The following ASPH variants were observed in gnomAD, a reference collection of about 807,000 sequenced individuals.
ASPH encodes aspartyl/asparaginyl beta-hydroxylase.
ASPH carries 100 observed loss-of-function variants against 118.4 expected under a neutral mutation model. The observed-to-expected ratio is 0.84, with a 90% CI of 0.72 to 1.00. The LOEUF (loss-of-function observed/expected upper bound fraction) is 1.00. Among genes scored for constraint, ASPH ranks in the 50% least tolerant of loss-of-function variants. The pLI is 0.00. For synonymous variants in ASPH, 315 were observed against 325.6 expected (o/e 0.97, Z 0.35); for missense variants, 920 against 919.5 (o/e 1.00, Z -0.01).
At chr8:61,644,069 A>G (rs1220870416) in intron 7 of ASPH, 68 bp from the exon 8 acceptor site, 2 of 1,206,746 alleles carry the variant, frequency 1.7e-6, no homozygotes, top group Non-Finnish European at 2.4e-6. Context: ...TCGAAACCAG[A>G]AAGACACAAT....
intron 16 of ASPH, among the ~76,000 whole-genome samples, chr8:61,570,641 T>A (rs1010165338): frequency 6.6e-6 from 1 of 152,218 alleles, no homozygotes; most frequent in Admixed American, 6.5e-5. Flanking sequence ...TAATTCTTTA[T>A]AAGCTCTTGA....
chr8:61,619,957 T>A (rs1850339955), intron 13 of ASPH, among the ~76,000 whole-genome samples: 1 of 152,158 alleles, frequency 6.6e-6, no homozygotes, highest in South Asian at 2.1e-4. Flanking sequence ...TGCAAGAGGA[T>A]GTCGGTGAGA....
At chr8:61,558,545 GA>G (rs1828691263) in intron 18 of ASPH, among the ~76,000 whole-genome samples, 1 of 152,140 alleles carries the variant, frequency 6.6e-6, no homozygotes, top group Admixed American at 6.5e-5. Context: ...CAAATAGTGT[GA>G]AACAAGCTCT....
chr8:61,577,436 GA>G, intron 15 of ASPH, among the ~76,000 whole-genome samples: 1 of 112,646 alleles, frequency 8.9e-6, no homozygotes, highest in East Asian at 2.8e-4. Context: ...CAAGACACCT[GA>G]TAAATGATGT....
chr8:61,675,488 A>G, intron 3 of ASPH: 1 of 983,088 alleles, frequency 1.0e-6, no homozygotes, highest in Non-Finnish European at 1.2e-6. Context: ...TTTTTAAATT[A>G]TTTTAAAAGC....
chr8:61,669,155 C>A (rs1449509467), intron 3 of ASPH, among the ~76,000 whole-genome samples: 2 of 152,178 alleles, frequency 1.3e-5, no homozygotes, highest in Non-Finnish European at 2.9e-5. Flanking sequence ...ACAAGAAAGT[C>A]CCCAAAGCCA....
In ASPH at chr8:61,714,572, C is replaced by A. The variant is rs551953321; in HGVS notation, c.-201G>T. 9.9e-5 allele frequency: 75 copies of A among 760,846 alleles called. No individual in the cohort carries two copies. Among genetic ancestry groups the A allele is most frequent in the Non-Finnish European group, 1.3e-4 (71 of 548,604 alleles). 47.1% of individuals were successfully genotyped at this position (760,846 alleles called of 1,614,324 possible). ...CCTGCCGGCTGCGCGCGCCCGGCCTCGCGTGTACGAACCTGTGACTCCCTC... is the reference window on the plus strand; with the variant it reads ...CCTGCCGGCTGCGCGCGCCCGGCCTAGCGTGTACGAACCTGTGACTCCCTC... On this transcript the variant is annotated 5_prime_UTR_variant, in exon 1 of 25. Transcript: ENST00000379454.
chr8:61,554,473 A>G (rs1827130079), intron 19 of ASPH, among the ~76,000 whole-genome samples: 1 of 152,208 alleles, frequency 6.6e-6, no homozygotes, highest in South Asian at 2.1e-4. Flanking sequence ...GAATATATTG[A>G]TACTTAAAAA....
chr8:61,511,814 G>A (rs60463676), intron 24 of ASPH, among the ~76,000 whole-genome samples: 1 of 152,096 alleles, frequency 6.6e-6, no homozygotes, highest in African/African-American at 2.4e-5. Flanking sequence ...ATGTTGGTCA[G>A]GCTGGTCTTG....
chr8:61,508,937 G>A (rs1254573435), intron 24 of ASPH, among the ~76,000 whole-genome samples: 1 of 152,170 alleles, frequency 6.6e-6, no homozygotes, highest in Admixed American at 6.5e-5. Context: ...AAATTCCCCA[G>A]TTCAGACTCC....
intron 1 of ASPH, among the ~76,000 whole-genome samples, chr8:61,700,916 G>A (rs983005248): frequency 6.6e-6 from 1 of 152,130 alleles, no homozygotes; most frequent in Non-Finnish European, 1.5e-5. Context: ...TTTCTTTATA[G>A]TTATTTAAAG....
At chr8:61,664,104 T>C (rs911474729) in intron 3 of ASPH, 6 of 975,190 alleles carry the variant, frequency 6.2e-6, no homozygotes, top group Non-Finnish European at 3.7e-6. Context: ...ACTAACTGCA[T>C]TTCACAGTAG....
intron 14 of ASPH, among the ~76,000 whole-genome samples, chr8:61,605,750 C>T (rs1482115467): frequency 1.3e-5 from 2 of 152,178 alleles, no homozygotes. Flanking sequence ...AAAAACACAC[C>T]AGATCAAACC....
chr8:61,619,054 G>T, intron 13 of ASPH, 35 bp from the exon 14 acceptor site: 7 of 1,468,378 alleles, frequency 4.8e-6, no homozygotes, highest in Non-Finnish European at 6.6e-6. Flanking sequence ...TAAGTACTAT[G>T]CAAGTCACCA....
At position 61,663,255 on chromosome 8, in the gene ASPH, T is replaced by C. The variant is rs1402441050; in HGVS notation, c.323-9595A>G. On this transcript the variant is annotated intron_variant, in intron 3 of 24. Coordinates refer to ENST00000379454, the MANE Select transcript of ASPH (RefSeq NM_004318.4). Reference sequence around the variant, plus strand: ...TTGATGAAGTTTGAGTGGGACCCACTCAACTCCCATTCCAAAGCTTTGTGC... The same window carrying C: ...TTGATGAAGTTTGAGTGGGACCCACCCAACTCCCATTCCAAAGCTTTGTGC... 5.1e-6 allele frequency: 5 copies of C among 985,196 alleles called. No homozygotes were observed. The Admixed American group carries it at 3.1e-4, about 61-fold the overall frequency. 61.0% of individuals were successfully genotyped at this position (985,196 alleles called of 1,614,324 possible). A position where few individuals can be genotyped will look rare whatever the true frequency, so the allele number is the denominator to read the frequency against.
chr8:61,613,221 C>T (rs559684338), intron 14 of ASPH, among the ~76,000 whole-genome samples: 3 of 152,194 alleles, frequency 2.0e-5, no homozygotes, highest in Admixed American at 2.0e-4. Flanking sequence ...GATTACTCTC[C>T]ATAATATGAG....
intron 5 of ASPH, among the ~76,000 whole-genome samples, chr8:61,649,542 C>A (rs1809812455): frequency 1.3e-5 from 2 of 152,034 alleles, no homozygotes; most frequent in African/African-American, 4.8e-5. Flanking sequence ...TAACCATGGG[C>A]CATAAATGTG....
intron 1 of ASPH, among the ~76,000 whole-genome samples, chr8:61,690,232 A>T (rs1437158128): frequency 2.6e-5 from 4 of 152,236 alleles, no homozygotes; most frequent in Admixed American, 2.0e-4. Context: ...GAATGAAACA[A>T]AACCATACAT....
Position 61,643,975 on chromosome 8 carries a change from C to T in ASPH, c.679G>A (p.Glu227Lys). The change falls in exon 8 of 25, where the codon GAA becomes AAA. Residue 227 changes from glutamate to lysine, a missense_variant. Coordinates refer to ENST00000379454, the MANE Select transcript of ASPH (RefSeq NM_004318.4). ...TVSQDCNQDM[E>K]EMMSEQENPD... ...TTTTCCTGCTCAGACATCATCTCTT[C>T]CATATCCTGATTACAGTCTTGTGAA... is the stretch of plus-strand genomic sequence containing the variant. 2 of 1,611,036 alleles carry T rather than the reference C, an allele frequency of 1.2e-6. No homozygotes were observed. Among genetic ancestry groups the T allele is most frequent in the Non-Finnish European group, 1.7e-6 (2 of 1,177,686 alleles).
Sources: gnomAD v4.1 joint callset for allele counts (sites outside exome capture counted in the v4.1 genomes callset) on GRCh38, gnomAD v4.1.1 for gene constraint, MANE v1.5 for transcripts, NCBI Gene and HGNC (gene_info 2026-07-23, HGNC 2026-07-21) for gene names.